CSTPP1: variants seen among roughly 807,000 people sequenced by gnomAD.
CSTPP1 encodes the protein UPF0705 protein C11orf49.
At chr11:47,148,665 C>T in the CSTPP1 span, among the ~76,000 whole-genome samples, 1 of 152,206 alleles carries the variant, frequency 6.6e-6, no homozygotes, top group South Asian at 2.1e-4. Context: ...TCTCCCAGCA[C>T]TTTAAACCAG....
chr11:47,161,143 G>A, the CSTPP1 span: 4 of 1,614,180 alleles, frequency 2.5e-6, no homozygotes, highest in South Asian at 4.4e-5. Context: ...TGCCTGACAA[G>A]GGGGATCTGA....
chr11:47,052,737 A>G, the CSTPP1 span: 1 of 500,100 alleles, frequency 2.0e-6, no homozygotes, highest in Non-Finnish European at 3.4e-6. Flanking sequence ...AGATATTACT[A>G]TTACCACTAC....
At chr11:46,969,104 A>T in the CSTPP1 span, among the ~76,000 whole-genome samples, 3 of 152,080 alleles carry the variant, frequency 2.0e-5, no homozygotes, top group Non-Finnish European at 4.4e-5. Context: ...CATTTTTTTT[A>T]AAAAGATGAA....
At chr11:47,014,275 AAAG>A in the CSTPP1 span, among the ~76,000 whole-genome samples, 6 of 151,414 alleles carry the variant, frequency 4.0e-5, no homozygotes, top group African/African-American at 7.3e-5. Context: ...AAGAAAGAGA[AAAG>A]AAAGGAAGGA....
the CSTPP1 span, among the ~76,000 whole-genome samples, chr11:47,084,615 C>T: frequency 6.6e-6 from 1 of 152,062 alleles, no homozygotes; most frequent in Non-Finnish European, 1.5e-5. Flanking sequence ...CATGGATAGC[C>T]AGTTGAGACA....
chr11:47,085,120 C>T, the CSTPP1 span, among the ~76,000 whole-genome samples: 1 of 152,104 alleles, frequency 6.6e-6, no homozygotes, highest in East Asian at 1.9e-4. Flanking sequence ...AGAAGAATTG[C>T]TTGAACCCGA....
the CSTPP1 span, among the ~76,000 whole-genome samples, chr11:46,973,780 ATGTGTGTGTGTGTGTGTGTC>A: frequency 6.6e-6 from 1 of 150,588 alleles, no homozygotes. Context: ...TGGAGGGTGT[ATGTGTGTGTGTGTGTGTGTC>A]TGTGTGTGTC....
At chr11:47,040,928 G>A in the CSTPP1 span, 63 of 134,896 alleles carry the variant, frequency 4.7e-4, 10 homozygotes, top group Admixed American at 2.1e-3. Context: ...CTATGGCAGC[G>A]GTGGTGGGGA....
At chr11:47,075,908 CAG>C in the CSTPP1 span, among the ~76,000 whole-genome samples, 1 of 105,492 alleles carries the variant, frequency 9.5e-6, no homozygotes, top group Non-Finnish European at 1.7e-5. Context: ...GCCTGGGTGA[CAG>C]AGCGAGATTC....
At chr11:47,034,261 T>C in the CSTPP1 span, among the ~76,000 whole-genome samples, 1 of 152,048 alleles carries the variant, frequency 6.6e-6, no homozygotes, top group African/African-American at 2.4e-5. Context: ...TGGCAACTGG[T>C]ATTTATCTTT....
At chr11:47,063,936 T>C in the CSTPP1 span, among the ~76,000 whole-genome samples, 6 of 152,194 alleles carry the variant, frequency 3.9e-5, no homozygotes, top group Non-Finnish European at 4.4e-5. Flanking sequence ...TTTTACATTC[T>C]CACCAGCAAT....
the CSTPP1 span, among the ~76,000 whole-genome samples, chr11:47,002,406 T>C: frequency 2.0e-5 from 3 of 152,212 alleles, no homozygotes; most frequent in South Asian, 2.1e-4. Flanking sequence ...TCCAGGGTCA[T>C]TGAGGATGCA....
At chr11:47,153,954 T>G in the CSTPP1 span, among the ~76,000 whole-genome samples, 1 of 152,080 alleles carries the variant, frequency 6.6e-6, no homozygotes, top group Non-Finnish European at 1.5e-5. Context: ...TTTTTGTTTT[T>G]TTTTTGACAG....
the CSTPP1 span, among the ~76,000 whole-genome samples, chr11:47,159,469 C>T: frequency 6.6e-6 from 1 of 151,780 alleles, no homozygotes; most frequent in African/African-American, 2.4e-5. Context: ...GAGATCACGC[C>T]ATTGCACGCC....
the CSTPP1 span, chr11:47,137,471 A>T: frequency 2.0e-6 from 3 of 1,502,038 alleles, no homozygotes. Context: ...TTGTAGAAAT[A>T]CTGATCTTAA....
the CSTPP1 span, among the ~76,000 whole-genome samples, chr11:47,129,539 C>A: frequency 6.6e-6 from 1 of 152,188 alleles, no homozygotes; most frequent in Admixed American, 6.5e-5. Flanking sequence ...TAAGACAGGA[C>A]CTCCCCCAGA....
the CSTPP1 span, chr11:47,040,987 A>G: frequency 0.61 from 86,142 of 140,188 alleles, 34,776 homozygotes; most frequent in African/African-American, 0.83. Context: ...TGAAGGTTGG[A>G]TGTAAAATGG....
the CSTPP1 span, among the ~76,000 whole-genome samples, chr11:47,108,743 G>A: frequency 4.3e-5 from 6 of 138,626 alleles, no homozygotes; most frequent in Non-Finnish European, 7.6e-5. Flanking sequence ...GTCTCACTGC[G>A]TCGCCCAGGC....
the CSTPP1 span, among the ~76,000 whole-genome samples, chr11:47,125,976 C>T: frequency 4.6e-5 from 7 of 151,060 alleles, no homozygotes; most frequent in Non-Finnish European, 8.8e-5. Context: ...AAGATTGTAC[C>T]GCTGTATTCC....
Sources: allele counts gnomAD v4.1 joint callset (sites outside exome capture counted in the v4.1 genomes callset), GRCh38; gene constraint gnomAD v4.1.1; transcripts MANE v1.5; gene names NCBI Gene and HGNC (gene_info 2026-07-23, HGNC 2026-07-21).